The following RAB11FIP5 variants were observed in gnomAD, a reference collection of about 807,000 sequenced individuals.
RAB11FIP5 encodes the protein RAB11 family interacting protein 5.
In RAB11FIP5, 48 loss-of-function variants were observed where a neutral mutation model predicts 85.1. That is an observed-to-expected ratio of 0.56 (90% confidence interval 0.45 to 0.72). The LOEUF (loss-of-function observed/expected upper bound fraction) is 0.72. RAB11FIP5 is among the 30% of genes least tolerant of loss of function. The pLI, the probability that RAB11FIP5 is intolerant of heterozygous loss-of-function variation, is 0.00. For missense variants in RAB11FIP5, 1,491 were observed against 1,687.0 expected, an observed-to-expected ratio of 0.88 and a Z score of 2.04; for synonymous variants, 729 against 727.3, an observed-to-expected ratio of 1.00 and a Z score of -0.04.
In RAB11FIP5 at chr2:73,075,278, A is replaced by G. The variant is rs1683829143; in HGVS notation, c.*243T>C. On this transcript the variant is annotated 3_prime_UTR_variant, in exon 6 of 6. Coordinates refer to ENST00000486777, the MANE Select transcript of RAB11FIP5 (RefSeq NM_001371272.1). The surrounding 1 kb of genome is among the most constrained non-coding windows in gnomAD (Gnocchi z 4.6). ...GGGCCCCCAAAGCTGAGGGATATGA[A>G]AACAGGCAGGTGGGAAAGACCCAGG... 1.4e-6 allele frequency: 1 copy of G among 699,402 alleles called. No homozygotes were observed. The highest frequency in any genetic ancestry group is 1.7e-5 in the African/African-American group (1 of 57,318). The allele number at this position is 699,402 out of a possible 1,614,324, so 43.3% of individuals were successfully genotyped here.
In RAB11FIP5 at chr2:73,078,852, C is replaced by G. The variant is rs1377817878; in HGVS notation, c.3581+799G>C. On this transcript the variant is annotated intron_variant, in intron 4 of 5. Transcript: ENST00000486777. The surrounding 1 kb of genome is among the most constrained non-coding windows in gnomAD (Gnocchi z 4.4). The stretch of plus-strand genomic sequence containing the variant: ...CTCCCAGTGCCCTGAGTCTCCAGGC[C>G]TCTGCCCACATCACCCCTGACCAGC... Among the ~76,000 whole-genome samples, 2 of 152,152 alleles carry G rather than the reference C, an allele frequency of 1.3e-5. No homozygotes were observed. The highest frequency in any genetic ancestry group is 4.8e-5 in the African/African-American group (2 of 41,422).
chr2:73,089,081 C>G lies in RAB11FIP5; in HGVS notation c.666G>C (p.Leu222=). Residue 222 remains leucine (L), a synonymous_variant, in exon 2 of 6, where the codon CTG becomes CTC. Transcript: ENST00000486777. The surrounding 1 kb of genome is among the most constrained non-coding windows in gnomAD (Gnocchi z 4.6). ...LPSSAIEDPD[L]GSLGKMGKAK... is the part of the protein sequence containing the mutation. Reference sequence around the variant, plus strand: ...CTTTGCCCATCTTGCCCAGGCTGCCCAGGTCAGGATCCTCTATGGCGCTGC... The same window carrying G: ...CTTTGCCCATCTTGCCCAGGCTGCCGAGGTCAGGATCCTCTATGGCGCTGC... 6.2e-7 allele frequency: 1 copy of G among 1,614,172 alleles called. No individual in the cohort carries two copies. The highest frequency in any genetic ancestry group is 1.7e-5 in the Admixed American group (1 of 60,022).
chr2:73,088,462 T>C lies in RAB11FIP5; in HGVS notation c.1156A>G (p.Thr386Ala). The change falls in exon 3 of 6, where the codon ACC (threonine) becomes GCC (alanine). Residue 386 changes from threonine (T) to alanine (A), a missense_variant. Around this residue, in one of 3 missense-constraint regions of RAB11FIP5, gnomAD observed 1,211 missense variants for 1,338.0 expected, o/e 0.91. Transcript: ENST00000486777. ...TTGCTACGACTGCCTCTGGGCCAGG[T>C]GTCATCTGTGGAACGAGGCCCCTCC... ...SEEGPRSTDD[T>A]WPRGSRSNSS... 1 of 1,613,956 alleles carries C rather than the reference T, an allele frequency of 6.2e-7. No individual in the cohort carries two copies. Among genetic ancestry groups the C allele is most frequent in the Non-Finnish European group, 8.5e-7 (1 of 1,180,034 alleles).
chr2:73,081,151 G>A lies in RAB11FIP5; in HGVS notation c.2081C>T (p.Ala694Val). 8.1e-7 allele frequency: 1 copy of A among 1,233,088 alleles called. No individual in the cohort carries two copies. The highest frequency in any genetic ancestry group is 1.0e-6 in the Non-Finnish European group (1 of 988,712). The allele number at this position is 1,233,088 out of a possible 1,614,324, so 76.4% of individuals were successfully genotyped here. The change falls in exon 4 of 6, where the codon GCT becomes GTT. Residue 694 changes from alanine to valine, a missense_variant. By Grantham distance (64) the Ala-to-Val change is moderately conservative. Transcript: ENST00000486777. The surrounding 1 kb of genome is among the most constrained non-coding windows in gnomAD (Gnocchi z 4.2). The part of the protein sequence containing the change: ...PGPGAMTAKA[A>V]EPQGEPGGGG... ...TCCCCCAGGCTCTCCCTGGGGCTCA[G>A]CTGCCTTCGCAGTCATGGCCCCAGG... is the stretch of plus-strand genomic sequence containing the variant.
rs559514757 is a variant in RAB11FIP5, at chr2:73,088,905, C to T, written c.842G>A (p.Arg281His). Residue 281 changes from arginine (R) to histidine (H), a missense_variant, in exon 2 of 6, where the codon CGT (arginine) becomes CAT (histidine). Arg to His is a conservative substitution (Grantham distance 29). Transcript: ENST00000486777. ...GAELLTRSPSRSSWLSTEGGR... is the reference protein window; with the variant it reads ...GAELLTRSPSHSSWLSTEGGR... Reference sequence around the variant, plus strand: ...CCCTTCAGTGGACAGCCAGCTGCTACGGCTTGGTGAGCGGGTGAGGAGTTC... The same window carrying T: ...CCCTTCAGTGGACAGCCAGCTGCTATGGCTTGGTGAGCGGGTGAGGAGTTC... 8.8e-5 allele frequency: 140 copies of T among 1,585,226 alleles called. No individual in the cohort carries two copies. Among genetic ancestry groups the T allele is most frequent in the East Asian group, 5.8e-4 (26 of 44,614 alleles).
intron 1 of RAB11FIP5, among the ~76,000 whole-genome samples, chr2:73,091,295 G>A (rs1354806168): frequency 3.3e-5 from 5 of 152,170 alleles, no homozygotes; most frequent in African/African-American, 9.6e-5. Context: ...GGCACCACAT[G>A]AAGGAATGTC....
In RAB11FIP5 at chr2:73,089,002, TG is replaced by T; in HGVS notation, c.744del (p.Asn249ThrfsTer158). On this transcript the variant is annotated frameshift_variant, in exon 2 of 6. Coordinates refer to ENST00000486777, the MANE Select transcript of RAB11FIP5 (RefSeq NM_001371272.1). LOFTEE classifies it high-confidence loss of function. The surrounding 1 kb of genome is among the most constrained non-coding windows in gnomAD (Gnocchi z 4.6). Reference sequence around the variant, plus strand: ...GTGCTGTCCGAGCCCAGCGAGGTGTTGGACTGGGTCAGGGACGACTTGCGCA... The same window carrying T: ...GTGCTGTCCGAGCCCAGCGAGGTGTTGACTGGGTCAGGGACGACTTGCGCA... ...NKLRKSSLTQSNTSLGSDSTL... is the reference protein window; with the variant it reads ...NKLRKSSLTQXNTSLGSDSTL... 6.2e-7 allele frequency: 1 copy of T among 1,614,204 alleles called. No individual in the cohort carries two copies. Among genetic ancestry groups the T allele is most frequent in the Non-Finnish European group, 8.5e-7 (1 of 1,180,028 alleles).
Position 73,089,528 on chromosome 2 carries a change from A to C in RAB11FIP5, c.432-213T>G. The C allele has an allele frequency of 1.6e-6, 1 of 645,012 alleles. No individual in the cohort carries two copies. The allele number at this position is 645,012 out of a possible 1,614,324, so 40.0% of individuals were successfully genotyped here. On this transcript the variant is annotated intron_variant, in intron 1 of 5. Coordinates refer to ENST00000486777, the MANE Select transcript of RAB11FIP5 (RefSeq NM_001371272.1). This position sits in a 1 kb window ranked among gnomAD's most constrained non-coding sequence, Gnocchi z 4.6. ...ACATTTCCATGATGGAGAAAACCAC[A>C]TCCTGAGTGGGGAAGCTCCTCGGGT...
At position 73,112,366 on chromosome 2, in the gene RAB11FIP5, C is replaced by G. The variant is rs1684677886; in HGVS notation, c.412G>C (p.Gly138Arg). 4.4e-6 allele frequency: 7 copies of G among 1,594,026 alleles called. No homozygotes were observed. The East Asian group carries it at 1.4e-4, about 31-fold the overall frequency. The change falls in exon 1 of 6, where the codon GGC (glycine) becomes CGC (arginine). Residue 138 changes from glycine (G) to arginine (R), a missense_variant. By Grantham distance (125) the Gly-to-Arg change is moderately radical. Around this residue, in one of 3 missense-constraint regions of RAB11FIP5, gnomAD observed 1,211 missense variants for 1,338.0 expected, o/e 0.91. Coordinates refer to ENST00000486777, the MANE Select transcript of RAB11FIP5 (RefSeq NM_001371272.1). ...ACTCACTGCGTGTGCTGGGCGCGGC[C>G]TGCGCCGAAGACCTCGTCCAGCGCC... ...TVALDEVFGA[G>R]RAQHTQWYKL...
chr2:73,107,648 A>G lies in RAB11FIP5; in HGVS notation c.431+4699T>C, dbSNP rs545325621. On this transcript the variant is annotated intron_variant, in intron 1 of 5. Coordinates refer to ENST00000486777, the MANE Select transcript of RAB11FIP5 (RefSeq NM_001371272.1). ...AGTCACACTTCCTACCCCGCCCCAC[A>G]CCCCAAGACGCTGCTGCTCAAGCAA... Among the ~76,000 whole-genome samples the G allele has an allele frequency of 1.8e-3, 280 of 152,212 alleles. 3 individuals carry two copies. The highest frequency in any genetic ancestry group is 6.6e-3 in the African/African-American group (274 of 41,540).
At position 73,076,067 on chromosome 2, in the gene RAB11FIP5, C is replaced by T. The variant is rs1466478637; in HGVS notation, c.3697G>A (p.Val1233Ile). 2.5e-6 allele frequency: 4 copies of T among 1,614,168 alleles called. No individual in the cohort carries two copies. In the East Asian group the frequency reaches 8.9e-5, roughly 36 times the overall value. ...ACAGGCTGAATGCTCCCAGATGTGA[C>T]TGTTTTGAGCTTCTCCAGCCCACTG... is the stretch of plus-strand genomic sequence containing the variant. ...LSSGLEKLKT[V>I]TSGSIQPVTQ... Residue 1233 changes from valine to isoleucine, a missense_variant, in exon 5 of 6, where the codon GTC becomes ATC. Around this residue, in one of 3 missense-constraint regions of RAB11FIP5, gnomAD observed 232 missense variants for 259.1 expected, o/e 0.90. Transcript: ENST00000486777.
Position 73,112,904 on chromosome 2 carries a change from G to A in RAB11FIP5, c.-127C>T. On this transcript the variant is annotated 5_prime_UTR_variant, in exon 1 of 6. Transcript: ENST00000486777. ...CGCCGCCGCAGCTGCGGGCTGGGCTGGGCCGGGCCGACCGGCCGCCGCCTC... is the reference window on the plus strand; with the variant it reads ...CGCCGCCGCAGCTGCGGGCTGGGCTAGGCCGGGCCGACCGGCCGCCGCCTC... 3.3e-6 allele frequency: 3 copies of A among 898,980 alleles called. No homozygotes were observed. The highest frequency in any genetic ancestry group is 3.5e-5 in the East Asian group (1 of 28,354). The allele number at this position is 898,980 out of a possible 1,614,324, so 55.7% of individuals were successfully genotyped here. A position where few individuals can be genotyped will look rare whatever the true frequency, so the allele number is the denominator to read the frequency against.
intron 3 of RAB11FIP5, among the ~76,000 whole-genome samples, chr2:73,083,374 G>A (rs569681012): frequency 2.8e-4 from 43 of 152,184 alleles, no homozygotes; most frequent in Non-Finnish European, 5.6e-4. Context: ...GGTTCTGGGA[G>A]AAGGGAGGTC....
chr2:73,094,245 T>G (rs1398644396), intron 1 of RAB11FIP5, among the ~76,000 whole-genome samples: 1 of 152,040 alleles, frequency 6.6e-6, no homozygotes, highest in Admixed American at 6.6e-5. Context: ...CTGATCAAGG[T>G]TTTTTCTCCC....
chr2:73,102,586 G>A (rs868154504), intron 1 of RAB11FIP5, among the ~76,000 whole-genome samples: 10 of 152,236 alleles, frequency 6.6e-5, no homozygotes, highest in Middle Eastern at 6.8e-3. Context: ...CGCCCCCTGC[G>A]GCAGCACTAT....
rs114924093 is a variant in RAB11FIP5, at chr2:73,096,136, C to G, written c.432-6821G>C. Among the ~76,000 whole-genome samples the G allele has an allele frequency of 7.7e-3, 1,173 of 152,354 alleles. 6 individuals are homozygous for G. The highest frequency in any genetic ancestry group is 0.012 in the Non-Finnish European group (831 of 68,034). On this transcript the variant is annotated intron_variant, in intron 1 of 5. Transcript: ENST00000486777. ...TGGGTCTCGGCCCTCAGCCTCCCCC[C>G]ACCCACCACCAAAGCAGAGGACAAA... is the stretch of plus-strand genomic sequence containing the variant.
chr2:73,085,458 G>C (rs931635198), intron 3 of RAB11FIP5, among the ~76,000 whole-genome samples: 2 of 152,212 alleles, frequency 1.3e-5, no homozygotes, highest in African/African-American at 2.4e-5. Context: ...GGCCCTGGCG[G>C]GTTTAAAATG....
chr2:73,079,652 T>G lies in RAB11FIP5; in HGVS notation c.3580A>C (p.Ser1194Arg). The G allele has an allele frequency of 8.1e-7, 1 of 1,233,126 alleles. No individual in the cohort carries two copies. Among genetic ancestry groups the G allele is most frequent in the Non-Finnish European group, 1.0e-6 (1 of 988,688 alleles). 76.4% of individuals were successfully genotyped at this position (1,233,126 alleles called of 1,614,324 possible). A position where few individuals can be genotyped will look rare whatever the true frequency, so the allele number is the denominator to read the frequency against. Residue 1194 changes from serine (S) to arginine (R), a missense_variant and splice_region_variant, in exon 4 of 6, where the codon AGT becomes CGT. Coordinates refer to ENST00000486777, the MANE Select transcript of RAB11FIP5 (RefSeq NM_001371272.1). The stretch of plus-strand genomic sequence containing the variant: ...AGTGTTCTGGGGGTGGATGCTCACC[T>G]GGCACTGGGCTGTGGCTCCTCAGCT... The part of the protein sequence containing the change: ...RPAEEPQPSA[S>R]PHPVKPLSAA...
At chr2:73,079,121 T>C (rs1683917086) in intron 4 of RAB11FIP5, among the ~76,000 whole-genome samples, 1 of 152,216 alleles carries the variant, frequency 6.6e-6, no homozygotes, top group East Asian at 1.9e-4. Context: ...GCTTTCTCTC[T>C]GACCTAAGTG....
Sources: allele counts gnomAD v4.1 joint callset (sites outside exome capture counted in the v4.1 genomes callset), GRCh38; gene constraint gnomAD v4.1.1; regional missense constraint gnomAD v4.1.1; non-coding constraint Gnocchi (gnomAD v3.1); transcripts MANE v1.5; gene names NCBI Gene and HGNC (gene_info 2026-07-23, HGNC 2026-07-21).